Variants in PCDH15 observed in about 807,000 individuals in gnomAD.
PCDH15 encodes protocadherin-15.
A neutral mutation model predicts 178.5 loss-of-function variants in PCDH15; 129 were observed. That is an observed-to-expected ratio of 0.72 (90% CI 0.63 to 0.84). PCDH15 has a LOEUF of 0.84. Among genes scored for constraint, PCDH15 ranks in the 40% least tolerant of loss-of-function variants. PCDH15 has a pLI of 0.00. For synonymous variants in PCDH15, 800 were observed against 732.0 expected, an observed-to-expected ratio of 1.09 and a Z score of -1.50; for missense variants, 2,230 against 2,099.9, an observed-to-expected ratio of 1.06 and a Z score of -1.21.
At chr10:54,449,068 C>T (rs901992916) in intron 3 of PCDH15, among the ~76,000 whole-genome samples, 1 of 151,624 alleles carries the variant, frequency 6.6e-6, no homozygotes, top group Non-Finnish European at 1.5e-5. Context: ...AGTCTCTATT[C>T]CTTGGCTACG....
At chr10:53,865,770 A>G (rs1185804404) in intron 27 of PCDH15, among the ~76,000 whole-genome samples, 1 of 151,892 alleles carries the variant, frequency 6.6e-6, no homozygotes, top group Non-Finnish European at 1.5e-5. Context: ...GTCTGCATGT[A>G]TATGAAGGTT....
At chr10:55,461,474 G>A (rs1839676211) in intron 2 of PCDH15, among the ~76,000 whole-genome samples, 1 of 152,010 alleles carries the variant, frequency 6.6e-6, no homozygotes, top group Non-Finnish European at 1.5e-5. Flanking sequence ...ATTATTTTTG[G>A]GGGGAAAACA....
intron 2 of PCDH15, among the ~76,000 whole-genome samples, chr10:55,596,831 A>G (rs1842944352): frequency 6.6e-6 from 1 of 152,128 alleles, no homozygotes; most frequent in South Asian, 2.1e-4. Flanking sequence ...ATAAAAATAA[A>G]TCTTTTAACT....
intron 1 of PCDH15, among the ~76,000 whole-genome samples, chr10:55,210,618 C>CTTTTTTTTTTTTTTTTTTTTTT (rs11412877): frequency 2.5e-4 from 10 of 40,346 alleles, no homozygotes; most frequent in Admixed American, 9.5e-4. Flanking sequence ...TTTTTCTTTT[C>CTTTTTTTTTTTTTTTTTTTTTT]TTTTTTTTTT....
chr10:53,938,899 A>G lies in PCDH15; in HGVS notation c.3289T>C (p.Tyr1097His). 3 of 1,613,494 alleles carry G rather than the reference A, an allele frequency of 1.9e-6. No homozygotes were observed. Among genetic ancestry groups the G allele is most frequent in the Non-Finnish European group, 2.5e-6 (3 of 1,179,516 alleles). The change falls in exon 25 of 38, where the codon TAT (tyrosine) becomes CAT (histidine). Residue 1097 changes from tyrosine (Y) to histidine (H), a missense_variant. Transcript: ENST00000644397. ...AGTACATAGCTTGTCCTGGTCTCAT[A>G]ATCCAGAGGTCCATTCACATAGATA... ...GVIYVNGPLDYETRTSYVLRV... is the reference protein window; with the variant it reads ...GVIYVNGPLDHETRTSYVLRV...
chr10:54,882,928 G>A (rs753700856), intron 3 of PCDH15, among the ~76,000 whole-genome samples: 6 of 151,960 alleles, frequency 3.9e-5, no homozygotes, highest in Non-Finnish European at 7.4e-5. Flanking sequence ...GAGGTTGAGA[G>A]CATTGCTGTC....
At chr10:54,623,795 A>G (rs1486883603) in intron 2 of PCDH15, among the ~76,000 whole-genome samples, 1 of 152,100 alleles carries the variant, frequency 6.6e-6, no homozygotes, top group Non-Finnish European at 1.5e-5. Context: ...CTGTAAAAGC[A>G]TTTACCTCTG....
chr10:53,947,456 G>C (rs1293482322), intron 23 of PCDH15, among the ~76,000 whole-genome samples: 3 of 151,786 alleles, frequency 2.0e-5, no homozygotes, highest in African/African-American at 7.3e-5. Context: ...AATTTATTTT[G>C]ACATGTTTGA....
chr10:54,873,972 AT>A (rs1314680685), intron 3 of PCDH15, among the ~76,000 whole-genome samples: 1 of 148,874 alleles, frequency 6.7e-6, no homozygotes, highest in African/African-American at 2.4e-5. Context: ...TTATTTATTT[AT>A]TTATTATTAT....
chr10:54,550,404 T>C (rs2086424642), intron 2 of PCDH15, among the ~76,000 whole-genome samples: 1 of 152,152 alleles, frequency 6.6e-6, no homozygotes, highest in South Asian at 2.1e-4. Flanking sequence ...AAACATAATT[T>C]ATATTTTAAA....
At chr10:54,428,482 T>C (rs947515244) in intron 3 of PCDH15, among the ~76,000 whole-genome samples, 1 of 152,214 alleles carries the variant, frequency 6.6e-6, no homozygotes, top group African/African-American at 2.4e-5. Context: ...CCAGGCAACT[T>C]GTACCTTCAC....
rs190599053 is a variant in PCDH15, at chr10:54,410,719, A to G, written c.158-31777T>C. The stretch of plus-strand genomic sequence containing the variant: ...ACAGGAGGCCTCCTGAAGATACAAT[A>G]AGATGATTATATTTATTTTCAAACC... On this transcript the variant is annotated intron_variant, in intron 3 of 37. Transcript: ENST00000644397. 4.6e-5 allele frequency among the ~76,000 whole-genome samples: 7 copies of G among 152,212 alleles called. No homozygotes were observed. In the East Asian group the frequency reaches 1.2e-3, roughly 25 times the overall value.
At chr10:54,216,126 A>G (rs1424977316) in intron 9 of PCDH15, among the ~76,000 whole-genome samples, 2 of 151,348 alleles carry the variant, frequency 1.3e-5, no homozygotes, top group African/African-American at 4.9e-5. Context: ...ATAGGTTTAT[A>G]AATTAGCTAA....
At chr10:54,692,074 C>T (rs2095132047) in intron 1 of PCDH15, among the ~76,000 whole-genome samples, 2 of 152,104 alleles carry the variant, frequency 1.3e-5, no homozygotes, top group East Asian at 3.9e-4. Context: ...TCCAAACTAC[C>T]TGCTGCTGAG....
At chr10:54,698,511 T>C (rs138622535) in intron 1 of PCDH15, among the ~76,000 whole-genome samples, 3,015 of 152,170 alleles carry the variant, frequency 0.02, 89 homozygotes, top group African/African-American at 0.067. Context: ...CCAGGGGAAA[T>C]GGAATGAGAT....
intron 1 of PCDH15, among the ~76,000 whole-genome samples, chr10:55,248,828 A>T (rs1462132034): frequency 1.3e-5 from 2 of 152,186 alleles, no homozygotes; most frequent in Non-Finnish European, 2.9e-5. Context: ...AAGAGCTGGG[A>T]TTACAGGCAT....
At chr10:55,126,064 A>T (rs1837891691) in intron 2 of PCDH15, among the ~76,000 whole-genome samples, 2 of 152,044 alleles carry the variant, frequency 1.3e-5, no homozygotes, top group Admixed American at 1.3e-4. Flanking sequence ...TGGGATCTAA[A>T]TATAGTCATC....
chr10:55,233,644 T>A (rs773022104), intron 1 of PCDH15, among the ~76,000 whole-genome samples: 24 of 151,918 alleles, frequency 1.6e-4, no homozygotes, highest in Non-Finnish European at 2.8e-4. Flanking sequence ...GCTTTTCTAA[T>A]CTCCTCCCTA....
At chr10:54,356,458 T>G (rs1342282) in intron 5 of PCDH15, among the ~76,000 whole-genome samples, 17,455 of 151,832 alleles carry the variant, frequency 0.11, 1,791 homozygotes, top group African/African-American at 0.28. Flanking sequence ...AACTTAATTT[T>G]CATTAGTATA....
Sources: allele counts gnomAD v4.1 joint callset (sites outside exome capture counted in the v4.1 genomes callset), GRCh38; gene constraint gnomAD v4.1.1; transcripts MANE v1.5; gene names NCBI Gene and HGNC (gene_info 2026-07-23, HGNC 2026-07-21).